Variants in UNC80 observed in about 807,000 individuals in gnomAD.
UNC80 encodes unc-80 subunit of NALCN channel complex, also known as protein unc-80 homolog.
In UNC80, 164 loss-of-function variants were observed where a neutral mutation model predicts 384.6. The ratio of observed to expected loss-of-function variants is 0.43; its 90% CI spans 0.38 to 0.49. The LOEUF is 0.49. Among genes scored for constraint, UNC80 ranks in the 20% least tolerant of loss-of-function variants. The probability of loss-of-function intolerance (pLI) is 0.00; values close to 1 mark genes in which losing one functional copy is unlikely to be tolerated. For synonymous variants in UNC80, 1,486 were observed against 1,527.8 expected (o/e 0.97, Z 0.64); for missense variants, 3,330 against 4,143.0 (o/e 0.80, Z 5.39).
intron 61 of UNC80, among the ~76,000 whole-genome samples, chr2:209,987,884 T>A (rs951595915): frequency 1.3e-5 from 2 of 151,766 alleles, no homozygotes; most frequent in African/African-American, 4.8e-5. Flanking sequence ...TAAAAAAAAA[T>A]AAAAAAACCT....
At chr2:209,864,674 G>A (rs2083583605) in intron 22 of UNC80, among the ~76,000 whole-genome samples, 2 of 152,220 alleles carry the variant, frequency 1.3e-5, no homozygotes, top group African/African-American at 4.8e-5. Context: ...GGGCTGTGGG[G>A]GACTTGTCTT....
chr2:209,961,136 A>G (rs2092577738), intron 51 of UNC80: 1 of 152,202 alleles, frequency 6.6e-6, no homozygotes, highest in African/African-American at 2.4e-5. Flanking sequence ...TGACTGTCCC[A>G]TAACCTGACT....
At chr2:209,953,894 T>C (rs2092302510) in intron 47 of UNC80, among the ~76,000 whole-genome samples, 1 of 152,230 alleles carries the variant, frequency 6.6e-6, no homozygotes, top group African/African-American at 2.4e-5. Flanking sequence ...AAGGCAAGAT[T>C]CATCGCCTTT....
chr2:209,915,557 C>T (rs1242988717), intron 31 of UNC80, among the ~76,000 whole-genome samples: 1 of 152,034 alleles, frequency 6.6e-6, no homozygotes, highest in Non-Finnish European at 1.5e-5. Flanking sequence ...TGGGACTCAG[C>T]TTGTAACCGA....
chr2:209,939,756 T>C (rs1298479896), intron 43 of UNC80, 104 bp downstream of exon 43: 3 of 1,070,940 alleles, frequency 2.8e-6, no homozygotes, highest in East Asian at 5.4e-5. Flanking sequence ...AGGGTACATG[T>C]GCTCAACGTG....
rs183098308 is a variant in UNC80 at position 209,883,485 on chromosome 2, C to A, written c.4110+2391C>A. Among the ~76,000 whole-genome samples the A allele has an allele frequency of 4.6e-3, 631 of 136,016 alleles. 3 individuals carry two copies. The highest frequency in any genetic ancestry group is 0.017 in the African/African-American group (610 of 36,204). 89.2% of individuals were successfully genotyped at this position (136,016 alleles called of 152,430 possible). A position where few individuals can be genotyped will look rare whatever the true frequency, so the allele number is the denominator to read the frequency against. ...TTGCTCTGTTGCCCAGGCTGGAGTG[C>A]AGTGGTATAATCTCGGCTCACTGCA... On this transcript the variant is annotated intron_variant, in intron 25 of 64. Transcript: ENST00000673920.
chr2:209,887,846 A>T (rs928752418), intron 25 of UNC80, among the ~76,000 whole-genome samples: 1 of 152,218 alleles, frequency 6.6e-6, no homozygotes, highest in Non-Finnish European at 1.5e-5. Context: ...ATTTGGATCA[A>T]GGCCTATGCT....
intron 7 of UNC80, among the ~76,000 whole-genome samples, chr2:209,808,333 C>A (rs1164578855): frequency 6.6e-6 from 1 of 151,948 alleles, no homozygotes; most frequent in African/African-American, 2.4e-5. Flanking sequence ...GAAGCCGAGG[C>A]GAGTGGGTCA....
At chr2:209,831,374 C>T (rs1489929667) in intron 15 of UNC80, 69 bp from the exon 16 acceptor site, 2 of 1,443,498 alleles carry the variant, frequency 1.4e-6, no homozygotes, top group South Asian at 1.5e-5. Flanking sequence ...GTGCCAAGTA[C>T]TGCCTTACTC....
chr2:209,795,744 T>G (rs183676553), intron 7 of UNC80: 1 of 152,264 alleles, frequency 6.6e-6, no homozygotes, highest in Admixed American at 6.5e-5. Flanking sequence ...TTCCATGTGG[T>G]GTTGAGCCTG....
intron 28 of UNC80, among the ~76,000 whole-genome samples, chr2:209,903,351 T>TGTGG (rs1394295253): frequency 7.5e-6 from 1 of 132,590 alleles, no homozygotes; most frequent in East Asian, 2.1e-4. Flanking sequence ...TGTGTGTGTG[T>TGTGG]GGACAGTGTG....
chr2:209,978,577 C>A lies in UNC80; in HGVS notation c.8987C>A (p.Ala2996Asp), dbSNP rs1276182618. ...SISTVGTSTSAYRLSLATMSR... is the reference protein window; with the variant it reads ...SISTVGTSTSDYRLSLATMSR... ...AGTACCGTGGGCACCTCCACCTCTG[C>A]TTACCGCCTGAGCTTGGCCACCATG... Residue 2996 changes from alanine to aspartate, a missense_variant, in exon 59 of 65, where the codon GCT becomes GAT. This residue lies in a region of UNC80 where 216 missense variants were observed against 245.3 expected (regional missense o/e 0.88). Transcript: ENST00000673920. 6.4e-7 allele frequency: 1 copy of A among 1,551,200 alleles called. No individual in the cohort carries two copies.
Position 209,982,123 on chromosome 2 carries a change from G to T in UNC80, c.9119-56G>T, listed in dbSNP as rs190602531. The stretch of plus-strand genomic sequence containing the variant: ...AGAACCCAAGTACAGCTTTGGTTGG[G>T]TTTTTCTGATCAGTGTCATAGTTTT... On this transcript the variant is annotated intron_variant, in intron 59 of 64. Transcript: ENST00000673920. 3.3e-6 allele frequency: 5 copies of T among 1,513,760 alleles called. No homozygotes were observed. In the African/African-American group the frequency reaches 5.5e-5, roughly 17 times the overall value. The allele number at this position is 1,513,760 out of a possible 1,614,324, so 93.8% of individuals were successfully genotyped here. A position where few individuals can be genotyped will look rare whatever the true frequency, so the allele number is the denominator to read the frequency against.
At chr2:209,850,172 T>C (rs10206406) in intron 22 of UNC80, among the ~76,000 whole-genome samples, 7,754 of 152,180 alleles carry the variant, frequency 0.051, 666 homozygotes, top group African/African-American at 0.18. Context: ...TTGTGTGCTA[T>C]TATACACGTG....
chr2:209,859,452 G>A (rs1395115273), intron 22 of UNC80, among the ~76,000 whole-genome samples: 2 of 152,108 alleles, frequency 1.3e-5, no homozygotes, highest in African/African-American at 4.8e-5. Flanking sequence ...ATTTGGGTTG[G>A]TTCCATGTCT....
Position 209,945,134 on chromosome 2 carries a change from C to T in UNC80, c.7134C>T (p.Thr2378=), listed in dbSNP as rs1048714718. The part of the protein sequence containing the change: ...DLLQSLEGET[T]DILDILELVK... ...TGCAGTCCCTAGAGGGAGAGACCAC[C>T]GACATATTAGACATCTTAGAGCTGG... Residue 2378 remains threonine (T), a synonymous_variant, in exon 46 of 65, where the codon ACC becomes ACT. Coordinates refer to ENST00000673920, the MANE Select transcript of UNC80 (RefSeq NM_001371986.1). 1.6e-5 allele frequency: 25 copies of T among 1,551,242 alleles called. No homozygotes were observed. Among genetic ancestry groups the T allele is most frequent in the East Asian group, 9.8e-5 (4 of 40,922 alleles).
chr2:209,995,035 T>A (rs543598916), intron 64 of UNC80, among the ~76,000 whole-genome samples: 2 of 152,312 alleles, frequency 1.3e-5, no homozygotes, highest in African/African-American at 4.8e-5. Context: ...ACTGTATACA[T>A]TTGTATAGTC....
chr2:209,815,175 C>T, intron 8 of UNC80, 82 bp from the exon 9 acceptor site: 3 of 1,385,700 alleles, frequency 2.2e-6, no homozygotes, highest in Non-Finnish European at 2.9e-6. Flanking sequence ...AGGCGCATCC[C>T]TATTAAAAAT....
chr2:209,928,748 C>T (rs1051362545), intron 36 of UNC80, among the ~76,000 whole-genome samples: 4 of 152,158 alleles, frequency 2.6e-5, no homozygotes, highest in African/African-American at 4.8e-5. Context: ...AGTCACCCTA[C>T]AGTGCTAAAG....
Sources: allele counts gnomAD v4.1 joint callset (sites outside exome capture counted in the v4.1 genomes callset), GRCh38; gene constraint gnomAD v4.1.1; regional missense constraint gnomAD v4.1.1; transcripts MANE v1.5; gene names NCBI Gene and HGNC (gene_info 2026-07-23, HGNC 2026-07-21).